The following TASP1 variants were observed in gnomAD, a reference collection of about 807,000 sequenced individuals.
TASP1 encodes the protein threonine aspartase 1.
In TASP1, 16 loss-of-function variants were observed where a neutral mutation model predicts 56.6. That is an observed-to-expected ratio of 0.28 (90% CI 0.19 to 0.43). TASP1 has a LOEUF of 0.43. TASP1 is among the 20% of genes least tolerant of loss of function. TASP1 has a pLI of 1.00. For synonymous variants in TASP1, 179 were observed against 184.2 expected (o/e 0.97, Z 0.23); for missense variants, 393 against 511.6 (o/e 0.77, Z 2.24).
At chr20:13,447,201 G>A (rs2043443246) in intron 11 of TASP1, among the ~76,000 whole-genome samples, 1 of 152,034 alleles carries the variant, frequency 6.6e-6, no homozygotes, top group Non-Finnish European at 1.5e-5. Flanking sequence ...CAAAAACTGG[G>A]TATTAGCAAA....
chr20:13,169,729 A>C, the TASP1 span, among the ~76,000 whole-genome samples: 7 of 152,316 alleles, frequency 4.6e-5, no homozygotes, highest in Non-Finnish European at 8.8e-5. Context: ...CGTAAAATCG[A>C]ATAGTATAAT....
At chr20:13,558,777 T>C (rs1198970257) in intron 8 of TASP1, among the ~76,000 whole-genome samples, 1 of 152,130 alleles carries the variant, frequency 6.6e-6, no homozygotes, top group Non-Finnish European at 1.5e-5. Context: ...GATCCACTGG[T>C]TTAAATAAAA....
At chr20:13,547,723 G>A (rs886256323) in intron 8 of TASP1, among the ~76,000 whole-genome samples, 1 of 152,028 alleles carries the variant, frequency 6.6e-6, no homozygotes, top group Non-Finnish European at 1.5e-5. Context: ...CAGGCATGAA[G>A]ATACTGCAAC....
At chr20:13,516,968 G>C (rs548722729) in intron 10 of TASP1, among the ~76,000 whole-genome samples, 51 of 151,986 alleles carry the variant, frequency 3.4e-4, no homozygotes, top group Admixed American at 3.3e-3. Context: ...AACTGGTTTT[G>C]TTGAGATTTG....
At chr20:13,554,855 A>G (rs561607591) in intron 8 of TASP1, among the ~76,000 whole-genome samples, 1 of 152,274 alleles carries the variant, frequency 6.6e-6, no homozygotes, top group South Asian at 2.1e-4. Context: ...GCCTTGCCTC[A>G]ATGTTGATGG....
chr20:13,537,657 T>C (rs1391174082), intron 8 of TASP1, among the ~76,000 whole-genome samples: 1 of 152,214 alleles, frequency 6.6e-6, no homozygotes, highest in Non-Finnish European at 1.5e-5. Context: ...TAAAACATGC[T>C]ATTTGTATTA....
intron 13 of TASP1, among the ~76,000 whole-genome samples, chr20:13,398,219 C>G (rs968762363): frequency 6.6e-6 from 1 of 152,240 alleles, no homozygotes; most frequent in South Asian, 2.1e-4. Flanking sequence ...AAACCACCAA[C>G]AACTGATTTG....
At chr20:13,396,424 T>G (rs2041540441) in intron 13 of TASP1, among the ~76,000 whole-genome samples, 1 of 152,194 alleles carries the variant, frequency 6.6e-6, no homozygotes, top group African/African-American at 2.4e-5. Flanking sequence ...GTATATTTTA[T>G]AGAATAAAAA....
chr20:13,247,842 G>T, the TASP1 span, among the ~76,000 whole-genome samples: 1 of 152,138 alleles, frequency 6.6e-6, no homozygotes, highest in Non-Finnish European at 1.5e-5. Context: ...GTAGGATCTT[G>T]GTTTCTCTTT....
At chr20:13,418,040 G>A (rs536828450) in intron 12 of TASP1, among the ~76,000 whole-genome samples, 2 of 152,302 alleles carry the variant, frequency 1.3e-5, no homozygotes, top group African/African-American at 4.8e-5. Context: ...AGCCTCCTGA[G>A]TAGCTGGGAT....
the TASP1 span, among the ~76,000 whole-genome samples, chr20:13,242,853 C>T: frequency 3.9e-5 from 6 of 152,144 alleles, no homozygotes; most frequent in Non-Finnish European, 4.4e-5. Context: ...CAGATTTCAC[C>T]TGATTTTATC....
intron 13 of TASP1, among the ~76,000 whole-genome samples, chr20:13,398,102 C>T (rs1416323078): frequency 2.6e-5 from 4 of 152,130 alleles, no homozygotes; most frequent in Non-Finnish European, 1.5e-5. Flanking sequence ...GAAAGGCTAA[C>T]ACTTAAACTA....
At chr20:13,443,358 C>A (rs1246934171) in intron 11 of TASP1, among the ~76,000 whole-genome samples, 2 of 152,136 alleles carry the variant, frequency 1.3e-5, no homozygotes, top group Admixed American at 6.6e-5. Flanking sequence ...ACTGCTTAAG[C>A]GCTTTCTATA....
chr20:13,140,288 T>C, the TASP1 span, among the ~76,000 whole-genome samples: 37,154 of 152,056 alleles, frequency 0.24, 4,776 homozygotes, highest in South Asian at 0.44. Flanking sequence ...ATTCTTTGAA[T>C]TGAATGAGTT....
intron 5 of TASP1, among the ~76,000 whole-genome samples, chr20:13,583,807 T>G (rs979800052): frequency 1.3e-5 from 2 of 152,192 alleles, no homozygotes; most frequent in African/African-American, 2.4e-5. Flanking sequence ...CTGGGCTGGA[T>G]GCGGTGGCTC....
chr20:13,528,954 C>T (rs1350927036), intron 9 of TASP1, among the ~76,000 whole-genome samples: 4 of 152,084 alleles, frequency 2.6e-5, no homozygotes, highest in Admixed American at 1.3e-4. Context: ...TGGGGCAGAC[C>T]TAGGAATCAG....
chr20:13,635,185 C>CG (rs2049255532), intron 1 of TASP1, among the ~76,000 whole-genome samples: 1 of 151,484 alleles, frequency 6.6e-6, no homozygotes, highest in South Asian at 2.1e-4. Flanking sequence ...TTAAGCTGTT[C>CG]GAAAAAAAAG....
At chr20:13,198,815 TTTCTTTCTTTC>T in the TASP1 span, among the ~76,000 whole-genome samples, 3 of 139,204 alleles carry the variant, frequency 2.2e-5, no homozygotes, top group African/African-American at 8.1e-5. Flanking sequence ...TCTTTCTTTC[TTTCTTTCTTTC>T]TTTCTTTCTT....
chr20:13,261,217 C>A, the TASP1 span, among the ~76,000 whole-genome samples: 1 of 152,060 alleles, frequency 6.6e-6, no homozygotes, highest in East Asian at 1.9e-4. Context: ...AATTCAAGAC[C>A]AGCCTGGCCA....
Sources: allele counts gnomAD v4.1 joint callset (sites outside exome capture counted in the v4.1 genomes callset), GRCh38; gene constraint gnomAD v4.1.1; transcripts MANE v1.5; gene names NCBI Gene and HGNC (gene_info 2026-07-23, HGNC 2026-07-21).